The following NFASC variants were observed in gnomAD, a reference collection of about 807,000 sequenced individuals.
The protein encoded by NFASC is neurofascin.
Under a neutral mutation model 147.5 loss-of-function variants are expected in NFASC, and 43 were observed. The observed-to-expected ratio is 0.29, with a 90% CI of 0.23 to 0.38. The LOEUF is 0.38. NFASC is among the 10% of genes least tolerant of loss of function. The probability of loss-of-function intolerance (pLI) is 1.00; values close to 1 mark genes in which losing one functional copy is unlikely to be tolerated. For missense variants in NFASC, 1,320 were observed against 1,689.0 expected, an observed-to-expected ratio of 0.78 and a Z score of 3.83; for synonymous variants, 622 against 665.5, an observed-to-expected ratio of 0.93 and a Z score of 1.01.
chr1:204,922,740 A>T (rs1199815017), intron 2 of NFASC, among the ~76,000 whole-genome samples: 2 of 152,228 alleles, frequency 1.3e-5, no homozygotes, highest in African/African-American at 4.8e-5. Flanking sequence ...GTACCTATCA[A>T]AGGACTTTCA....
At chr1:204,950,645 G>T in intron 4 of NFASC, 71 bp downstream of exon 4, 1 of 1,420,434 alleles carries the variant, frequency 7.0e-7, no homozygotes, top group East Asian at 2.3e-5. Flanking sequence ...GGTGATACCT[G>T]GGGATTAGTG....
chr1:204,863,458 A>G (rs2076834562), intron 1 of NFASC, among the ~76,000 whole-genome samples: 1 of 152,232 alleles, frequency 6.6e-6, no homozygotes, highest in Non-Finnish European at 1.5e-5. Flanking sequence ...TATTTCAACC[A>G]TTTTGTAGAC....
intron 8 of NFASC, among the ~76,000 whole-genome samples, chr1:204,962,693 T>C (rs1298348663): frequency 6.6e-6 from 1 of 152,138 alleles, no homozygotes; most frequent in Admixed American, 6.5e-5. Context: ...ATCTGGGCAA[T>C]AGGAGTAAGA....
At position 204,847,228 on chromosome 1, in the gene NFASC, G is replaced by A. The variant is rs138322771; in HGVS notation, c.-200+18446G>A. Among the ~76,000 whole-genome samples the A allele has an allele frequency of 4.3e-3, 655 of 152,200 alleles. 5 individuals carry two copies. Among genetic ancestry groups the A allele is most frequent in the African/African-American group, 0.015 (627 of 41,508 alleles). On this transcript the variant is annotated intron_variant, in intron 1 of 29. Transcript: ENST00000339876. ...CAACAGTAGTAATAATAATAGTTAA[G>A]TTAAAATAATGGCAGCTACCAGATA...
intron 1 of NFASC, among the ~76,000 whole-genome samples, chr1:204,897,047 G>A (rs1468173725): frequency 6.6e-6 from 1 of 152,080 alleles, no homozygotes; most frequent in Non-Finnish European, 1.5e-5. Flanking sequence ...ACTGACTGTA[G>A]GTTCCCCCCC....
chr1:205,011,394 C>T (rs896244071), intron 28 of NFASC, among the ~76,000 whole-genome samples: 17 of 152,176 alleles, frequency 1.1e-4, no homozygotes, highest in African/African-American at 4.1e-4. Context: ...TGTGCTGGGC[C>T]TGTCTGGTTC....
At chr1:204,899,676 T>G (rs2084133116) in intron 1 of NFASC, among the ~76,000 whole-genome samples, 1 of 152,216 alleles carries the variant, frequency 6.6e-6, no homozygotes, top group Non-Finnish European at 1.5e-5. Flanking sequence ...GAACTTGAGG[T>G]CTTCTGAAAG....
intron 1 of NFASC, among the ~76,000 whole-genome samples, chr1:204,854,640 TG>T (rs1311050213): frequency 1.3e-5 from 2 of 152,212 alleles, no homozygotes; most frequent in African/African-American, 4.8e-5. Context: ...CATTCATCTC[TG>T]GGACACAAAG....
intron 1 of NFASC, among the ~76,000 whole-genome samples, chr1:204,910,381 G>C (rs193291225): frequency 1.5e-4 from 23 of 152,186 alleles, no homozygotes; most frequent in Admixed American, 5.9e-4. Flanking sequence ...TATAGAGATA[G>C]TTGATTAATT....
At chr1:204,947,337 G>A (rs530793610) in intron 3 of NFASC, among the ~76,000 whole-genome samples, 2 of 152,322 alleles carry the variant, frequency 1.3e-5, no homozygotes, top group Admixed American at 6.5e-5. Context: ...TCCCATGTGT[G>A]CTGAGCTGAG....
intron 3 of NFASC, among the ~76,000 whole-genome samples, chr1:204,945,939 G>GCC (rs1488946608): frequency 1.3e-5 from 2 of 152,194 alleles, no homozygotes; most frequent in Admixed American, 1.3e-4. Context: ...GATCCCCAGG[G>GCC]CCAGTGGGTG....
chr1:205,018,423 C>T lies in NFASC; in HGVS notation c.*1884C>T, dbSNP rs1191808199. The T allele has an allele frequency of 6.5e-6, 1 of 152,702 alleles. No homozygotes were observed. Among genetic ancestry groups the T allele is most frequent in the Non-Finnish European group, 1.5e-5 (1 of 68,054 alleles). The allele number at this position is 152,702 out of a possible 1,614,324, so 9.5% of individuals were successfully genotyped here. ...TAATCATTCAGTTGAAGGTCAAGCC[C>T]ATAGACACACACTCTCTGCTGGTAA... On this transcript the variant is annotated 3_prime_UTR_variant, in exon 30 of 30. Transcript: ENST00000339876.
intron 11 of NFASC, among the ~76,000 whole-genome samples, chr1:204,971,165 C>G (rs1180322153): frequency 6.6e-6 from 1 of 152,140 alleles, no homozygotes; most frequent in African/African-American, 2.4e-5. Context: ...AAGTTCCGCT[C>G]TCTGCTAAGG....
intron 1 of NFASC, among the ~76,000 whole-genome samples, chr1:204,891,847 A>G (rs1240625890): frequency 6.6e-6 from 1 of 152,186 alleles, no homozygotes; most frequent in Non-Finnish European, 1.5e-5. Flanking sequence ...CACGTTGCCC[A>G]GGCAGGCAAC....
intron 22 of NFASC, among the ~76,000 whole-genome samples, chr1:204,988,102 T>C (rs2095652389): frequency 6.6e-6 from 1 of 152,360 alleles, no homozygotes; most frequent in East Asian, 1.9e-4. Context: ...CCTTCAAAAG[T>C]AGGTAACGTA....
chr1:204,840,630 C>G (rs1030258778), intron 1 of NFASC, among the ~76,000 whole-genome samples: 13 of 152,198 alleles, frequency 8.5e-5, no homozygotes, highest in African/African-American at 2.9e-4. Flanking sequence ...ACCACTTGCA[C>G]AACTACCACT....
chr1:204,920,262 T>G (rs1409356186), intron 1 of NFASC, among the ~76,000 whole-genome samples: 1 of 152,162 alleles, frequency 6.6e-6, no homozygotes, highest in Non-Finnish European at 1.5e-5. Context: ...GCTAAAAAAT[T>G]AATGAGATGA....
chr1:204,844,972 C>A (rs1427791919), intron 1 of NFASC, among the ~76,000 whole-genome samples: 1 of 152,074 alleles, frequency 6.6e-6, no homozygotes, highest in Non-Finnish European at 1.5e-5. Context: ...TATCTTAGTG[C>A]ACCTGAAGAG....
chr1:204,962,244 CTGCTGGG>C (rs1558267466), intron 8 of NFASC: 2 of 1,181,414 alleles, frequency 1.7e-6, no homozygotes, highest in African/African-American at 3.0e-5. Flanking sequence ...TCATTAACTC[CTGCTGGG>C]TGGCAGCTGG....
Sources: gnomAD v4.1 joint callset for allele counts (sites outside exome capture counted in the v4.1 genomes callset) on GRCh38, gnomAD v4.1.1 for gene constraint, MANE v1.5 for transcripts, NCBI Gene and HGNC (gene_info 2026-07-23, HGNC 2026-07-21) for gene names.